Variants in KIAA0319L observed in about 807,000 individuals in gnomAD.
The protein encoded by KIAA0319L is KIAA0319 like.
A neutral mutation model predicts 120.1 loss-of-function variants in KIAA0319L; 55 were observed. That is an observed-to-expected ratio of 0.46 (90% CI 0.37 to 0.57). The LOEUF (loss-of-function observed/expected upper bound fraction) is 0.57. Ranked by LOEUF, KIAA0319L falls within the 20% of genes least tolerant of loss-of-function variation. The probability of loss-of-function intolerance (pLI) is 0.00; values close to 1 mark genes in which losing one functional copy is unlikely to be tolerated. For missense variants in KIAA0319L, 1,049 were observed against 1,255.3 expected (o/e 0.84, Z 2.48); for synonymous variants, 398 against 471.9 (o/e 0.84, Z 2.03).
At chr1:35,468,143 G>GT (rs754901877) in intron 6 of KIAA0319L, among the ~76,000 whole-genome samples, 3,389 of 147,392 alleles carry the variant, frequency 0.023, 118 homozygotes, top group African/African-American at 0.072. Flanking sequence ...CCAGGCAAAT[G>GT]TTTTTTTTTT....
chr1:35,540,321 C>A lies in KIAA0319L; in HGVS notation c.142+14029G>T, dbSNP rs549474834. Reference sequence around the variant, plus strand: ...CCTTTTGTGATTGGCCAGGGAAGTTCAAGATTTATATAATTGGTGCTTGCT... The same window carrying A: ...CCTTTTGTGATTGGCCAGGGAAGTTAAAGATTTATATAATTGGTGCTTGCT... On this transcript the variant is annotated intron_variant, in intron 2 of 20. Transcript: ENST00000325722. Among the ~76,000 whole-genome samples, 3 of 152,304 alleles carry A rather than the reference C, an allele frequency of 2.0e-5. No individual in the cohort carries two copies. The South Asian group carries it at 6.2e-4, about 32-fold the overall frequency.
rs1260609765 is a variant in KIAA0319L at position 35,455,907 on chromosome 1, T to C, written c.1656+106A>G. On this transcript the variant is annotated intron_variant, in intron 10 of 20. Transcript: ENST00000325722. ...ATAAAGATTTTTGCTACCACGTTAATCAAAGGCCCCTAAAGCTTTCTCAGT... is the reference window on the plus strand; with the variant it reads ...ATAAAGATTTTTGCTACCACGTTAACCAAAGGCCCCTAAAGCTTTCTCAGT... 4 of 858,558 alleles carry C rather than the reference T, an allele frequency of 4.7e-6. No individual in the cohort carries two copies. The East Asian group carries it at 9.9e-5, about 21-fold the overall frequency. 53.2% of individuals were successfully genotyped at this position (858,558 alleles called of 1,614,324 possible).
chr1:35,549,678 ATTCT>A (rs569379657), intron 2 of KIAA0319L, among the ~76,000 whole-genome samples: 3 of 152,118 alleles, frequency 2.0e-5, no homozygotes, highest in Non-Finnish European at 4.4e-5. Flanking sequence ...AGATGTATAC[ATTCT>A]TTCTTTGTAT....
At chr1:35,514,789 G>A (rs115799851) in intron 2 of KIAA0319L, among the ~76,000 whole-genome samples, 4,373 of 152,248 alleles carry the variant, frequency 0.029, 81 homozygotes, top group Non-Finnish European at 0.046. Flanking sequence ...CACAATAACA[G>A]TGGGAGACTT....
intron 3 of KIAA0319L, among the ~76,000 whole-genome samples, chr1:35,496,696 C>T (rs1419033930): frequency 6.6e-6 from 1 of 152,070 alleles, no homozygotes; most frequent in Non-Finnish European, 1.5e-5. Flanking sequence ...GTAATCCCAC[C>T]ACTTTGGGAG....
At chr1:35,503,660 G>A (rs1417507169) in intron 3 of KIAA0319L, among the ~76,000 whole-genome samples, 1 of 151,998 alleles carries the variant, frequency 6.6e-6, no homozygotes, top group Non-Finnish European at 1.5e-5. Context: ...TCTCTTGCCT[G>A]AAAAGCCTCC....
chr1:35,478,730 G>A (rs1644013871), intron 4 of KIAA0319L, among the ~76,000 whole-genome samples: 1 of 152,158 alleles, frequency 6.6e-6, no homozygotes, highest in Non-Finnish European at 1.5e-5. Context: ...GTGCCTTTAA[G>A]TCACAGTGGA....
Position 35,443,608 on chromosome 1 carries a change from G to A in KIAA0319L, c.2656+553C>T, listed in dbSNP as rs535934071. Among the ~76,000 whole-genome samples, 26 of 152,180 alleles carry A rather than the reference G, an allele frequency of 1.7e-4. No homozygotes were observed. The South Asian group carries it at 5.0e-3, about 29-fold the overall frequency. On this transcript the variant is annotated intron_variant, in intron 17 of 20. Transcript: ENST00000325722. ...AATCACTTGAACCCGGGGGGGCGGA[G>A]GTTGCAGTGAGCTGAGATTACACCA...
At chr1:35,454,289 C>A in intron 11 of KIAA0319L, 73 bp downstream of exon 11, 1 of 1,554,502 alleles carries the variant, frequency 6.4e-7, no homozygotes, top group South Asian at 1.1e-5. Context: ...CAGCTCAGAA[C>A]CCAACACTCT....
At chr1:35,475,816 T>C (rs956059185) in intron 4 of KIAA0319L, among the ~76,000 whole-genome samples, 3 of 152,196 alleles carry the variant, frequency 2.0e-5, no homozygotes, top group Non-Finnish European at 4.4e-5. Context: ...ACTTCCAACC[T>C]GCCATTAGAG....
chr1:35,549,046 G>A (rs990354335), intron 2 of KIAA0319L, among the ~76,000 whole-genome samples: 21 of 150,750 alleles, frequency 1.4e-4, no homozygotes, highest in Non-Finnish European at 3.0e-4. Flanking sequence ...TCTGTGCGTT[G>A]CATCTTTTTT....
Position 35,449,873 on chromosome 1 carries a change from T to A in KIAA0319L, c.2347A>T (p.Lys783Ter). 1 of 1,614,114 alleles carries A rather than the reference T, an allele frequency of 6.2e-7. No individual in the cohort carries two copies. The highest frequency in any genetic ancestry group is 8.5e-7 in the Non-Finnish European group (1 of 1,180,002). Residue 783 changes from lysine to a stop codon, truncating the protein, a stop_gained, in exon 15 of 21, where the codon AAA becomes TAA. Transcript: ENST00000325722. LOFTEE classifies it high-confidence loss of function. The part of the protein sequence containing the change: ...SDTDRTTVEV[K>*]PDPRKNNLVE... ...CATCACTAAATGAACTCACCAGGTTTCACCTCCACAGTGGTCCGGTCTGTG... is the reference window on the plus strand; with the variant it reads ...CATCACTAAATGAACTCACCAGGTTACACCTCCACAGTGGTCCGGTCTGTG...
intron 15 of KIAA0319L, 84 bp downstream of exon 15, chr1:35,449,783 T>C: frequency 1.3e-6 from 2 of 1,488,708 alleles, no homozygotes; most frequent in Non-Finnish European, 1.9e-6. Flanking sequence ...GCTCTGTCCA[T>C]GCTCGGGGAA....
intron 2 of KIAA0319L, among the ~76,000 whole-genome samples, chr1:35,527,296 T>C (rs1646186509): frequency 6.6e-6 from 1 of 152,204 alleles, no homozygotes; most frequent in African/African-American, 2.4e-5. Context: ...GCTAATATTA[T>C]GTTGAGGATT....
chr1:35,493,911 A>C (rs1458830268), intron 3 of KIAA0319L, among the ~76,000 whole-genome samples: 10 of 152,084 alleles, frequency 6.6e-5, no homozygotes, highest in Admixed American at 6.6e-5. Flanking sequence ...CACTGAGAAA[A>C]ATTATAGATT....
chr1:35,482,207 C>T (rs1349604050), intron 3 of KIAA0319L, among the ~76,000 whole-genome samples: 1 of 151,912 alleles, frequency 6.6e-6, no homozygotes, highest in African/African-American at 2.4e-5. Context: ...TTGAGAGGGG[C>T]AGTCTGGCTT....
intron 19 of KIAA0319L, 38 bp downstream of exon 19, chr1:35,442,208 A>G: frequency 6.7e-7 from 1 of 1,485,638 alleles, no homozygotes; most frequent in Non-Finnish European, 9.4e-7. Flanking sequence ...ATGTATGACA[A>G]GAAGCCCGAA....
Position 35,554,504 on chromosome 1 carries a change from A to G in KIAA0319L, c.-13T>C, listed in dbSNP as rs368545499. On this transcript the variant is annotated 5_prime_UTR_variant, in exon 2 of 21. Coordinates refer to ENST00000325722, the MANE Select transcript of KIAA0319L (RefSeq NM_024874.5). ...GCCTCTTCTCCATGGCCCTCCAGACAGGCAGAACCAGTACACTAGAAGGAC... is the reference window on the plus strand; with the variant it reads ...GCCTCTTCTCCATGGCCCTCCAGACGGGCAGAACCAGTACACTAGAAGGAC... 256 of 1,591,392 alleles carry G rather than the reference A, an allele frequency of 1.6e-4. No individual in the cohort carries two copies. The highest frequency in any genetic ancestry group is 2.1e-4 in the Non-Finnish European group (245 of 1,172,492).
At chr1:35,474,624 AGAG>A in intron 5 of KIAA0319L, among the ~76,000 whole-genome samples, 178 bp downstream of exon 5, 1 of 152,182 alleles carries the variant, frequency 6.6e-6, no homozygotes. Flanking sequence ...ACAGGAAGTC[AGAG>A]GAGGGAAAAA....
Sources: gnomAD v4.1 joint callset for allele counts (sites outside exome capture counted in the v4.1 genomes callset) on GRCh38, gnomAD v4.1.1 for gene constraint, MANE v1.5 for transcripts, NCBI Gene and HGNC (gene_info 2026-07-23, HGNC 2026-07-21) for gene names.